Variants in PHACTR3 observed in about 807,000 individuals in gnomAD.
PHACTR3 encodes the protein phosphatase and actin regulator 3.
Under a neutral mutation model 66.8 loss-of-function variants are expected in PHACTR3, and 16 were observed. The ratio of observed to expected loss-of-function variants is 0.24; its 90% CI spans 0.16 to 0.36. PHACTR3 has a LOEUF of 0.36. Among genes scored for constraint, PHACTR3 ranks in the 10% least tolerant of loss-of-function variants. PHACTR3 has a pLI of 1.00. For missense variants in PHACTR3, 647 were observed against 719.9 expected (o/e 0.90, Z 1.16); for synonymous variants, 323 against 292.1 (o/e 1.11, Z -1.08).
At chr20:59,634,755 A>G (rs1236254579) in intron 1 of PHACTR3, among the ~76,000 whole-genome samples, 4 of 152,190 alleles carry the variant, frequency 2.6e-5, no homozygotes, top group Non-Finnish European at 5.9e-5. Flanking sequence ...TCCTGTGATG[A>G]TGGAAATGGT....
intron 1 of PHACTR3, among the ~76,000 whole-genome samples, chr20:59,681,714 G>C (rs1450812266): frequency 6.6e-6 from 1 of 152,250 alleles, no homozygotes; most frequent in African/African-American, 2.4e-5. Flanking sequence ...GACTTTGATA[G>C]GAATCAGGCC....
At chr20:59,717,807 A>G (rs994192315) in intron 1 of PHACTR3, among the ~76,000 whole-genome samples, 1 of 152,224 alleles carries the variant, frequency 6.6e-6, no homozygotes, top group East Asian at 1.9e-4. Flanking sequence ...TCTGAAGTCT[A>G]AGAAAACCTC....
chr20:59,577,659 CG>C, intron 1 of PHACTR3: 1 of 1,171,166 alleles, frequency 8.5e-7, no homozygotes, highest in Non-Finnish European at 1.1e-6. Context: ...ACGTGGGGCC[CG>C]GGGTGCCCGC....
chr20:59,602,670 A>G (rs531645410), upstream of PHACTR3, among the ~76,000 whole-genome samples: 4 of 151,998 alleles, frequency 2.6e-5, no homozygotes, highest in Admixed American at 1.3e-4. Context: ...GCCCATCCCC[A>G]CCATTTCTGC....
intron 1 of PHACTR3, among the ~76,000 whole-genome samples, chr20:59,666,986 G>A (rs2146493551): frequency 1.3e-5 from 2 of 152,340 alleles, no homozygotes; most frequent in Middle Eastern, 6.8e-3. Flanking sequence ...CCAACAGAGA[G>A]ACCCATGCTT....
chr20:59,825,124 C>CA (rs1316242294), intron 8 of PHACTR3, among the ~76,000 whole-genome samples: 1 of 152,186 alleles, frequency 6.6e-6, no homozygotes, highest in African/African-American at 2.4e-5. Context: ...ACCAGGTAGA[C>CA]AAAGTCTCTG....
chr20:59,720,423 T>TGG (rs942877801), intron 1 of PHACTR3, among the ~76,000 whole-genome samples: 15 of 152,054 alleles, frequency 9.9e-5, no homozygotes, highest in African/African-American at 3.6e-4. Flanking sequence ...CTTTGCATAC[T>TGG]GGGGGGGCAC....
At chr20:59,790,056 T>A (rs1221567002) in intron 7 of PHACTR3, among the ~76,000 whole-genome samples, 1 of 152,220 alleles carries the variant, frequency 6.6e-6, no homozygotes, top group Non-Finnish European at 1.5e-5. Context: ...TCATCATGAG[T>A]TTATTTTAAC....
intron 1 of PHACTR3, among the ~76,000 whole-genome samples, chr20:59,643,914 C>T (rs1600993353): frequency 6.6e-6 from 1 of 152,106 alleles, no homozygotes; most frequent in Non-Finnish European, 1.5e-5. Flanking sequence ...TCCTGCTTGG[C>T]GTTGTTTGGT....
chr20:59,810,999 C>T (rs957196549), intron 8 of PHACTR3, among the ~76,000 whole-genome samples: 5 of 152,204 alleles, frequency 3.3e-5, no homozygotes, highest in South Asian at 2.1e-4. Flanking sequence ...GCATAGGTGC[C>T]GGCGATGTGC....
At chr20:59,714,788 A>G (rs2038038274) in intron 1 of PHACTR3, among the ~76,000 whole-genome samples, 1 of 152,206 alleles carries the variant, frequency 6.6e-6, no homozygotes, top group Non-Finnish European at 1.5e-5. Context: ...AATCTTTAAA[A>G]CATTCAGTAA....
At chr20:59,804,491 A>G (rs2041506524) in intron 7 of PHACTR3, among the ~76,000 whole-genome samples, 2 of 152,250 alleles carry the variant, frequency 1.3e-5, no homozygotes, top group Non-Finnish European at 2.9e-5. Flanking sequence ...TTAGTCCCTT[A>G]GCATTATGAA....
chr20:59,767,535 C>A, intron 5 of PHACTR3, 140 bp downstream of exon 5: 1 of 1,025,212 alleles, frequency 9.8e-7, no homozygotes, highest in Non-Finnish European at 1.4e-6. Context: ...TTCAACCAGT[C>A]TTGATTGGGC....
At chr20:59,807,966 A>G (rs1211531074) in intron 8 of PHACTR3, among the ~76,000 whole-genome samples, 1 of 152,232 alleles carries the variant, frequency 6.6e-6, no homozygotes, top group Middle Eastern at 3.4e-3. Context: ...CACCCCCATA[A>G]GTTTCCCTGG....
At chr20:59,666,570 CAGAG>C (rs900714918) in intron 1 of PHACTR3, among the ~76,000 whole-genome samples, 4 of 150,580 alleles carry the variant, frequency 2.7e-5, no homozygotes, top group Non-Finnish European at 4.4e-5. Flanking sequence ...GAGACAGAGA[CAGAG>C]AGACAGGGAG....
At chr20:59,750,677 A>T (rs916167321) in intron 3 of PHACTR3, among the ~76,000 whole-genome samples, 1 of 152,070 alleles carries the variant, frequency 6.6e-6, no homozygotes, top group South Asian at 2.1e-4. Context: ...CCACAGTGCG[A>T]GTGGGTGGGA....
At chr20:59,814,118 G>A (rs1486237309) in intron 8 of PHACTR3, among the ~76,000 whole-genome samples, 1 of 152,222 alleles carries the variant, frequency 6.6e-6, no homozygotes, top group Non-Finnish European at 1.5e-5. Context: ...CTCCCGAGAA[G>A]CAGCCAGGGC....
chr20:59,737,459 G>A (rs1225814413), intron 1 of PHACTR3, among the ~76,000 whole-genome samples: 1 of 152,084 alleles, frequency 6.6e-6, no homozygotes, highest in Non-Finnish European at 1.5e-5. Flanking sequence ...ACTACAAACA[G>A]GTAAACAAAT....
chr20:59,657,772 C>T (rs2035668935), intron 1 of PHACTR3, among the ~76,000 whole-genome samples: 1 of 151,988 alleles, frequency 6.6e-6, no homozygotes, highest in Admixed American at 6.6e-5. Flanking sequence ...TTTTTATGTG[C>T]TTGGGTGCAG....
Sources: allele counts gnomAD v4.1 joint callset (sites outside exome capture counted in the v4.1 genomes callset), GRCh38; gene constraint gnomAD v4.1.1; transcripts MANE v1.5; gene names NCBI Gene and HGNC (gene_info 2026-07-23, HGNC 2026-07-21).